Variants in PDE1A observed in about 807,000 individuals in gnomAD.
The protein encoded by PDE1A is dual specificity calcium/calmodulin-dependent 3',5'-cyclic nucleotide phosphodiesterase 1A.
A neutral mutation model predicts 61.7 loss-of-function variants in PDE1A; 35 were observed. The ratio of observed to expected loss-of-function variants is 0.57; its 90% CI spans 0.43 to 0.75. PDE1A has a LOEUF of 0.75. Ranked by LOEUF, PDE1A falls within the 30% of genes least tolerant of loss-of-function variation. PDE1A has a pLI of 0.00. For synonymous variants in PDE1A, 232 were observed against 213.2 expected, an observed-to-expected ratio of 1.09 and a Z score of -0.77; for missense variants, 597 against 630.6, an observed-to-expected ratio of 0.95 and a Z score of 0.57.
chr2:182,505,630 C>T (rs1689360894), intron 2 of PDE1A, among the ~76,000 whole-genome samples: 1 of 152,122 alleles, frequency 6.6e-6, no homozygotes. Context: ...CCCCACATGC[C>T]CATCCTCCAA....
intron 8 of PDE1A, among the ~76,000 whole-genome samples, 175 bp from the exon 9 acceptor site, chr2:182,201,964 A>C (rs1441215098): frequency 6.6e-6 from 1 of 152,210 alleles, no homozygotes; most frequent in Non-Finnish European, 1.5e-5. Flanking sequence ...TTTACCTTTT[A>C]ACTGTCATGG....
the PDE1A span, among the ~76,000 whole-genome samples, chr2:182,645,664 A>T: frequency 4.6e-5 from 7 of 152,348 alleles, no homozygotes; most frequent in South Asian, 1.4e-3. Context: ...AGTAAACGAA[A>T]AACAAAAATT....
At chr2:182,646,031 A>C in the PDE1A span, among the ~76,000 whole-genome samples, 1 of 152,326 alleles carries the variant, frequency 6.6e-6, no homozygotes, top group South Asian at 2.1e-4. Flanking sequence ...CTACATGGGG[A>C]TATAAAAGAT....
intron 2 of PDE1A, among the ~76,000 whole-genome samples, chr2:182,503,052 CACACACACACACACACACACAT>C (rs1219919118): frequency 4.6e-4 from 28 of 61,136 alleles, no homozygotes; most frequent in Admixed American, 3.5e-3. Flanking sequence ...CACACACACA[CACACACACACACACACACACAT>C]ACACACACAC....
intron 1 of PDE1A, among the ~76,000 whole-genome samples, chr2:182,306,267 G>A (rs1038553841): frequency 3.3e-5 from 5 of 152,124 alleles, no homozygotes; most frequent in African/African-American, 1.2e-4. Flanking sequence ...ATATTGTACA[G>A]CATTGTAAGT....
the PDE1A span, among the ~76,000 whole-genome samples, chr2:182,607,625 C>T: frequency 9.2e-5 from 14 of 152,182 alleles, no homozygotes; most frequent in African/African-American, 3.1e-4. Flanking sequence ...AGTCTATGTA[C>T]AAGACCCATG....
the PDE1A span, among the ~76,000 whole-genome samples, chr2:182,691,320 A>G: frequency 6.6e-6 from 1 of 152,242 alleles, no homozygotes; most frequent in Admixed American, 6.5e-5. Flanking sequence ...CGGTACTGGT[A>G]CCAAAACAGA....
At chr2:182,609,326 T>C in the PDE1A span, among the ~76,000 whole-genome samples, 1 of 152,234 alleles carries the variant, frequency 6.6e-6, no homozygotes, top group African/African-American at 2.4e-5. Context: ...AGGATGTGCG[T>C]GGCACCAGAT....
intron 1 of PDE1A, among the ~76,000 whole-genome samples, chr2:182,313,180 G>A (rs1438877300): frequency 6.6e-6 from 1 of 152,190 alleles, no homozygotes; most frequent in Non-Finnish European, 1.5e-5. Context: ...TTGGGAGGCC[G>A]AGGCAGGCAG....
At chr2:182,350,458 C>T (rs1308516138) in intron 1 of PDE1A, among the ~76,000 whole-genome samples, 1 of 152,052 alleles carries the variant, frequency 6.6e-6, no homozygotes, top group African/African-American at 2.4e-5. Flanking sequence ...AGTAGTTTCT[C>T]ACAAAGAATG....
At chr2:182,182,198 T>C (rs963165452) in intron 13 of PDE1A, among the ~76,000 whole-genome samples, 5 of 152,212 alleles carry the variant, frequency 3.3e-5, no homozygotes, top group African/African-American at 7.2e-5. Context: ...GAAATGATTA[T>C]ATAATTTTAC....
At chr2:182,705,767 GC>G in the PDE1A span, among the ~76,000 whole-genome samples, 2 of 152,088 alleles carry the variant, frequency 1.3e-5, no homozygotes, top group Admixed American at 1.3e-4. Context: ...ACCTGCCTTG[GC>G]CTCCCAAAGT....
the PDE1A span, among the ~76,000 whole-genome samples, chr2:182,632,111 A>G: frequency 2.6e-5 from 4 of 152,168 alleles, no homozygotes; most frequent in African/African-American, 7.2e-5. Context: ...AGATGGGTGG[A>G]AAAGGAAGAA....
intron 7 of PDE1A, among the ~76,000 whole-genome samples, chr2:182,222,661 C>T (rs1397707681): frequency 2.0e-5 from 3 of 151,900 alleles, no homozygotes; most frequent in Non-Finnish European, 2.9e-5. Context: ...ATATGGAACT[C>T]ATGCAACTCT....
chr2:182,256,843 T>C (rs1209526748), intron 2 of PDE1A, among the ~76,000 whole-genome samples: 1 of 152,258 alleles, frequency 6.6e-6, no homozygotes, highest in African/African-American at 2.4e-5. Flanking sequence ...CTCAAGTATA[T>C]GTCCAAATCA....
intron 2 of PDE1A, among the ~76,000 whole-genome samples, chr2:182,475,227 C>T (rs1687277961): frequency 6.6e-6 from 1 of 151,916 alleles, no homozygotes; most frequent in Non-Finnish European, 1.5e-5. Flanking sequence ...TCAGCACTGT[C>T]AAGATGAGAC....
chr2:182,187,415 G>A (rs1191396519), intron 11 of PDE1A, among the ~76,000 whole-genome samples: 1 of 152,120 alleles, frequency 6.6e-6, no homozygotes, highest in African/African-American at 2.4e-5. Context: ...CCAGATCCCA[G>A]GACTGCTGTG....
intron 12 of PDE1A, 87 bp downstream of exon 12, chr2:182,186,381 G>T: frequency 6.9e-7 from 1 of 1,442,084 alleles, no homozygotes; most frequent in East Asian, 2.3e-5. Flanking sequence ...AGAATTCTCT[G>T]CCTAGATGTG....
chr2:182,629,617 T>G, the PDE1A span, among the ~76,000 whole-genome samples: 2 of 152,178 alleles, frequency 1.3e-5, no homozygotes. Flanking sequence ...TAACACACAG[T>G]CTTTTTGATG....
Sources: gnomAD v4.1 joint callset for allele counts (sites outside exome capture counted in the v4.1 genomes callset) on GRCh38, gnomAD v4.1.1 for gene constraint, MANE v1.5 for transcripts, NCBI Gene and HGNC (gene_info 2026-07-23, HGNC 2026-07-21) for gene names.